The following MERTK variants were observed in gnomAD, a reference collection of about 807,000 sequenced individuals.
MERTK encodes MER proto-oncogene, tyrosine kinase.
MERTK carries 69 observed loss-of-function variants against 99.3 expected under a neutral mutation model. The observed-to-expected ratio is 0.70, with a 90% CI of 0.57 to 0.85. The LOEUF (loss-of-function observed/expected upper bound fraction) is 0.85. Among genes scored for constraint, MERTK ranks in the 40% least tolerant of loss-of-function variants. MERTK has a pLI of 0.00. For missense variants in MERTK, 1,125 were observed against 1,249.4 expected (o/e 0.90, Z 1.50); for synonymous variants, 426 against 467.6 (o/e 0.91, Z 1.15).
intron 1 of MERTK, among the ~76,000 whole-genome samples, chr2:111,913,289 G>T (rs1359017770): frequency 6.6e-6 from 1 of 152,056 alleles, no homozygotes; most frequent in Non-Finnish European, 1.5e-5. Context: ...TCTCCATTTA[G>T]TTATATCTTC....
At chr2:112,008,206 G>A (rs1337481834) in intron 13 of MERTK, among the ~76,000 whole-genome samples, 177 bp from the exon 14 acceptor site, 1 of 151,778 alleles carries the variant, frequency 6.6e-6, no homozygotes, top group Non-Finnish European at 1.5e-5. Context: ...TTGCCTGTTT[G>A]CCCCTCTCTT....
At chr2:111,925,562 C>T (rs1029681804) in intron 1 of MERTK, among the ~76,000 whole-genome samples, 3 of 151,488 alleles carry the variant, frequency 2.0e-5, no homozygotes, top group African/African-American at 7.3e-5. Flanking sequence ...CTCAGCCTCC[C>T]AAAGTGCTGG....
intron 1 of MERTK, among the ~76,000 whole-genome samples, chr2:111,928,176 C>A (rs1684602197): frequency 6.7e-6 from 1 of 148,638 alleles, no homozygotes; most frequent in African/African-American, 2.5e-5. Context: ...GTTGTTAAGG[C>A]ACAAAAATTG....
chr2:111,992,885 A>C (rs939515837), intron 8 of MERTK, among the ~76,000 whole-genome samples: 1 of 152,192 alleles, frequency 6.6e-6, no homozygotes, highest in Non-Finnish European at 1.5e-5. Flanking sequence ...TTATATAGCC[A>C]GCCAGTCAGA....
At chr2:111,991,055 C>G (rs1326915347) in intron 8 of MERTK, among the ~76,000 whole-genome samples, 2 of 152,156 alleles carry the variant, frequency 1.3e-5, no homozygotes, top group Non-Finnish European at 1.5e-5. Flanking sequence ...TACCGTGAAG[C>G]AGATGTGTTA....
intron 1 of MERTK, among the ~76,000 whole-genome samples, chr2:111,900,731 C>T (rs553029989): frequency 6.6e-6 from 1 of 152,140 alleles, no homozygotes; most frequent in Admixed American, 6.6e-5. Context: ...TGAACTTTAC[C>T]TATGAGATGT....
At chr2:111,981,364 C>A (rs1676367882) in intron 7 of MERTK, among the ~76,000 whole-genome samples, 1 of 152,046 alleles carries the variant, frequency 6.6e-6, no homozygotes, top group African/African-American at 2.4e-5. Context: ...TGACCTAATT[C>A]TTTCCAGTGA....
rs1171872873 is a variant in MERTK, at chr2:112,019,484, G to A, written c.2151G>A (p.Arg717=). 1 of 1,613,952 alleles carries A rather than the reference G, an allele frequency of 6.2e-7. No individual in the cohort carries two copies. The highest frequency in any genetic ancestry group is 1.1e-5 in the South Asian group (1 of 91,076). Residue 717 remains arginine, a synonymous_variant, in exon 16 of 19, where the codon AGG becomes AGA. Transcript: ENST00000295408. ...TGGGAATGGAGTATCTGAGCAACAG[G>A]AATTTTCTTCATCGAGATTTAGCTG... ...IALGMEYLSN[R]NFLHRDLAAR...
At chr2:111,996,695 C>G in intron 9 of MERTK, 1 of 166,874 alleles carries the variant, frequency 6.0e-6, no homozygotes, top group Non-Finnish European at 1.3e-5. Flanking sequence ...TGAAAATGTC[C>G]CAGAGAAAGC....
Position 111,902,284 on chromosome 2 carries a change from TC to T in MERTK, c.61+3489del, listed in dbSNP as rs559338691. 1.6e-3 allele frequency among the ~76,000 whole-genome samples: 248 copies of T among 152,348 alleles called. 1 individual carries two copies. The highest frequency in any genetic ancestry group is 1.7e-3 in the Non-Finnish European group (116 of 68,042). On this transcript the variant is annotated intron_variant, in intron 1 of 18. Transcript: ENST00000295408. ...CAGCATTGGTCAAGAAGAGGTTCAA[TC>T]TTTTTATGCCTGTGAATTGGGAACA...
At chr2:111,922,119 A>G (rs1684470314) in intron 1 of MERTK, among the ~76,000 whole-genome samples, 1 of 152,138 alleles carries the variant, frequency 6.6e-6, no homozygotes, top group Admixed American at 6.5e-5. Flanking sequence ...GTGGAACTGA[A>G]CAGGGTTCAC....
chr2:111,960,790 T>G (rs1431542297), intron 4 of MERTK, among the ~76,000 whole-genome samples: 3 of 151,622 alleles, frequency 2.0e-5, no homozygotes, highest in Admixed American at 2.0e-4. Flanking sequence ...GTCGTTACAG[T>G]GGGTGTTGGT....
intron 10 of MERTK, among the ~76,000 whole-genome samples, chr2:111,998,140 T>C (rs1676792491): frequency 6.6e-6 from 1 of 152,336 alleles, no homozygotes; most frequent in African/African-American, 2.4e-5. Context: ...GGGCTTAAGA[T>C]TGGCAGCCAG....
intron 1 of MERTK, among the ~76,000 whole-genome samples, chr2:111,905,912 A>G (rs1215616649): frequency 6.6e-6 from 1 of 152,230 alleles, no homozygotes; most frequent in Non-Finnish European, 1.5e-5. Context: ...AGAAGGAAAG[A>G]GAAAGAGAGA....
intron 4 of MERTK, among the ~76,000 whole-genome samples, chr2:111,963,450 C>T (rs1685294773): frequency 1.3e-5 from 2 of 152,220 alleles, no homozygotes; most frequent in South Asian, 4.1e-4. Flanking sequence ...ATATTTCAGA[C>T]TATCACATGG....
At chr2:111,987,518 G>C (rs1676507022) in intron 8 of MERTK, among the ~76,000 whole-genome samples, 1 of 152,134 alleles carries the variant, frequency 6.6e-6, no homozygotes, top group African/African-American at 2.4e-5. Context: ...ACCTTGCTTT[G>C]TAGGCATTTG....
In MERTK at chr2:112,022,317, G is replaced by A; in HGVS notation, c.2409G>A (p.Gly803=). ...CGCGGGGAATGACTCCCTATCCTGG[G>A]GTCCAGAACCATGAGATGTATGACT... is the stretch of plus-strand genomic sequence containing the variant. ...IATRGMTPYP[G]VQNHEMYDYL... Residue 803 remains glycine (G), a synonymous_variant, in exon 18 of 19, where the codon GGG becomes GGA. Coordinates refer to ENST00000295408, the MANE Select transcript of MERTK (RefSeq NM_006343.3). 6.2e-7 allele frequency: 1 copy of A among 1,614,178 alleles called. No individual in the cohort carries two copies.
At chr2:111,966,708 G>C (rs1023010382) in intron 5 of MERTK, among the ~76,000 whole-genome samples, 1 of 152,050 alleles carries the variant, frequency 6.6e-6, no homozygotes, top group African/African-American at 2.4e-5. Flanking sequence ...TGGTATATGT[G>C]GTCAAATTTT....
chr2:111,910,582 T>TA (rs936285185), intron 1 of MERTK, among the ~76,000 whole-genome samples: 3 of 106,148 alleles, frequency 2.8e-5, no homozygotes, highest in African/African-American at 9.8e-5. Flanking sequence ...CCCTGTAACT[T>TA]AAAAAAAAAG....
Sources: allele counts gnomAD v4.1 joint callset (sites outside exome capture counted in the v4.1 genomes callset), GRCh38; gene constraint gnomAD v4.1.1; transcripts MANE v1.5; gene names NCBI Gene and HGNC (gene_info 2026-07-23, HGNC 2026-07-21).